Variants in RERE observed in about 807,000 individuals in gnomAD.
RERE encodes the protein arginine-glutamic acid dipeptide repeats, also known as arginine-glutamic acid dipeptide repeats protein.
A neutral mutation model predicts 146.1 loss-of-function variants in RERE; 40 were observed. The ratio of observed to expected loss-of-function variants is 0.27; its 90% confidence interval spans 0.21 to 0.36. The LOEUF (loss-of-function observed/expected upper bound fraction) is 0.36. Ranked by LOEUF, RERE falls within the 10% of genes least tolerant of loss-of-function variation. RERE has a pLI of 1.00. For synonymous variants in RERE, 1,003 were observed against 866.0 expected, an observed-to-expected ratio of 1.16 and a Z score of -2.78; for missense variants, 1,933 against 2,138.7, an observed-to-expected ratio of 0.90 and a Z score of 1.90.
intron 1 of RERE, among the ~76,000 whole-genome samples, chr1:8,755,553 A>T (rs1180056532): frequency 6.6e-6 from 1 of 152,212 alleles, no homozygotes; most frequent in African/African-American, 2.4e-5. Context: ...TTTAAGCTTC[A>T]TGGACAATCC....
intron 12 of RERE, among the ~76,000 whole-genome samples, chr1:8,384,401 C>G (rs562281229): frequency 1.6e-4 from 24 of 152,234 alleles, no homozygotes; most frequent in African/African-American, 5.8e-4. Context: ...TCTCTGGATG[C>G]CATGAGGTAC....
intron 2 of RERE, among the ~76,000 whole-genome samples, chr1:8,632,519 T>C (rs536471927): frequency 3.9e-5 from 6 of 152,362 alleles, no homozygotes; most frequent in African/African-American, 1.4e-4. Context: ...TACTGTTTAA[T>C]AGACTGTCAG....
chr1:8,515,195 T>TA (rs942358057), intron 7 of RERE, among the ~76,000 whole-genome samples: 16 of 151,768 alleles, frequency 1.1e-4, no homozygotes, highest in Admixed American at 6.6e-4. Flanking sequence ...ACAGGCTTTA[T>TA]AAAAAATGTT....
intron 12 of RERE, among the ~76,000 whole-genome samples, chr1:8,401,036 A>C (rs1046650987): frequency 0.021 from 162 of 7,720 alleles, 9 homozygotes; most frequent in East Asian, 0.11. Context: ...AAAAAAAAAA[A>C]CCATATATAT....
intron 11 of RERE, among the ~76,000 whole-genome samples, chr1:8,441,599 A>G (rs1644249228): frequency 6.6e-6 from 1 of 152,240 alleles, no homozygotes; most frequent in South Asian, 2.1e-4. Context: ...TCCTAGTGGA[A>G]GTGTCATCTG....
In RERE at chr1:8,377,222, T is replaced by C. The variant is rs566539025; in HGVS notation, c.1285-11248A>G. Among the ~76,000 whole-genome samples the C allele has an allele frequency of 9.8e-4, 149 of 152,348 alleles. 1 individual carries two copies. Among genetic ancestry groups the C allele is most frequent in the Admixed American group, 1.8e-3 (27 of 15,304 alleles). ...ACCCCGGCCTCTGGCCTGGAAGCCC[T>C]GGGCAGTTCCAACACAATTTCACTT... On this transcript the variant is annotated intron_variant, in intron 12 of 22. Transcript: ENST00000400908.
intron 10 of RERE, among the ~76,000 whole-genome samples, chr1:8,490,354 AAAAAAG>A (rs1360203503): frequency 6.7e-6 from 1 of 148,656 alleles, no homozygotes; most frequent in African/African-American, 2.6e-5. Flanking sequence ...AAAAAAAAAA[AAAAAAG>A]AAAAGAAAAG....
intron 9 of RERE, among the ~76,000 whole-genome samples, chr1:8,495,993 T>C (rs916224305): frequency 6.6e-6 from 1 of 150,974 alleles, no homozygotes; most frequent in Non-Finnish European, 1.5e-5. Context: ...CCTGACAACA[T>C]AGAGAGAGAA....
At position 8,793,177 on chromosome 1, in the gene RERE, AGAAAG is replaced by A. The variant is rs797016306; in HGVS notation, c.-145+23978_-145+23982del. Among the ~76,000 whole-genome samples, 1,279 of 147,836 alleles carry A rather than the reference AGAAAG, an allele frequency of 8.7e-3. 14 individuals carry two copies. The highest frequency in any genetic ancestry group is 0.03 in the African/African-American group (1,189 of 39,236). ...ATCTCCAAAAAAAAAAAAAAAAAAA[AGAAAG>A]AAAGAAAGAAAGAAGGCTCTATTTT... On this transcript the variant is annotated intron_variant, in intron 1 of 22. Transcript: ENST00000400908.
intron 1 of RERE, chr1:8,786,548 T>C: frequency 1.3e-6 from 1 of 778,570 alleles, no homozygotes. Flanking sequence ...CTCAGCATGT[T>C]AACTGAAGCC....
rs533816429 is a variant in RERE at position 8,750,593 on chromosome 1, C to T, written c.-145+66567G>A. On this transcript the variant is annotated intron_variant, in intron 1 of 22. Transcript: ENST00000400908. ...GAAGCTTATTTATGAAAAAGCAAAGCACTATCACAAGGAATATAGGCAGAT... is the reference window on the plus strand; with the variant it reads ...GAAGCTTATTTATGAAAAAGCAAAGTACTATCACAAGGAATATAGGCAGAT... The T allele has an allele frequency of 2.5e-5, 25 of 1,006,246 alleles. No individual in the cohort carries two copies. In the East Asian group the frequency reaches 5.4e-4, roughly 22 times the overall value. 62.3% of individuals were successfully genotyped at this position (1,006,246 alleles called of 1,614,324 possible).
chr1:8,497,765 G>A (rs1483261023), intron 8 of RERE, among the ~76,000 whole-genome samples: 1 of 152,140 alleles, frequency 6.6e-6, no homozygotes, highest in Non-Finnish European at 1.5e-5. Flanking sequence ...CAGTGTCAAA[G>A]TAAACCAGTG....
intron 4 of RERE, among the ~76,000 whole-genome samples, chr1:8,594,316 C>T (rs901437892): frequency 2.6e-5 from 4 of 152,146 alleles, no homozygotes; most frequent in Admixed American, 6.5e-5. Context: ...CATCTCATCA[C>T]GACTGTACAT....
At chr1:8,649,158 A>T (rs1440726932) in intron 2 of RERE, among the ~76,000 whole-genome samples, 3 of 152,188 alleles carry the variant, frequency 2.0e-5, no homozygotes, top group Non-Finnish European at 4.4e-5. Flanking sequence ...ATCTGGCTGC[A>T]CACAGCTGTG....
At chr1:8,377,156 C>A (rs1385872630) in intron 12 of RERE, among the ~76,000 whole-genome samples, 1 of 152,214 alleles carries the variant, frequency 6.6e-6, no homozygotes, top group Admixed American at 6.5e-5. Flanking sequence ...CAGTCTAAAG[C>A]TCAGGCTGAA....
chr1:8,443,313 T>C (rs1054033439), intron 11 of RERE, among the ~76,000 whole-genome samples: 2 of 151,382 alleles, frequency 1.3e-5, no homozygotes, highest in Non-Finnish European at 2.9e-5. Context: ...ATACAAAAAA[T>C]TAGCCCGGCA....
At chr1:8,369,508 TAAAAAA>T (rs1186718390) in intron 12 of RERE, among the ~76,000 whole-genome samples, 4 of 76,892 alleles carry the variant, frequency 5.2e-5, no homozygotes, top group Non-Finnish European at 7.8e-5. Context: ...CGCCTTTTAC[TAAAAAA>T]AAAAAAAAAA....
Position 8,590,812 on chromosome 1 carries a change from T to C in RERE, c.522+23749A>G, listed in dbSNP as rs947562884. The C allele has an allele frequency of 3.9e-5, 6 of 152,358 alleles. 1 individual carries two copies. In the South Asian group the frequency reaches 1.0e-3, roughly 26 times the overall value. 9.4% of individuals were successfully genotyped at this position (152,358 alleles called of 1,614,324 possible). ...GTGAGGTTCCTTGACTTCTTCCCAC[T>C]CTTGCAGCCTTCTCAGCCACGCTGA... On this transcript the variant is annotated intron_variant, in intron 4 of 22. Coordinates refer to ENST00000400908, the MANE Select transcript of RERE (RefSeq NM_001042681.2).
chr1:8,369,075 GTAA>G (rs1383181402), intron 12 of RERE, among the ~76,000 whole-genome samples: 1 of 152,066 alleles, frequency 6.6e-6, no homozygotes, highest in African/African-American at 2.4e-5. Flanking sequence ...GTGTGTGCCT[GTAA>G]TAATACCAGC....
Sources: gnomAD v4.1 joint callset for allele counts (sites outside exome capture counted in the v4.1 genomes callset) on GRCh38, gnomAD v4.1.1 for gene constraint, MANE v1.5 for transcripts, NCBI Gene and HGNC (gene_info 2026-07-23, HGNC 2026-07-21) for gene names.